The following PPP3CA variants were observed in gnomAD, a reference collection of about 807,000 sequenced individuals.
PPP3CA encodes CAM-PRP catalytic subunit.
A neutral mutation model predicts 66.5 loss-of-function variants in PPP3CA; 14 were observed. The ratio of observed to expected loss-of-function variants is 0.21; its 90% CI spans 0.14 to 0.33. PPP3CA has a LOEUF of 0.33. Ranked by LOEUF, PPP3CA falls within the 10% of genes least tolerant of loss-of-function variation. PPP3CA has a pLI of 1.00. For missense variants in PPP3CA, 317 were observed against 639.5 expected, an observed-to-expected ratio of 0.50 and a Z score of 5.44; for synonymous variants, 232 against 226.2, an observed-to-expected ratio of 1.03 and a Z score of -0.23.
At chr4:101,049,406 T>C (rs1390036120) in intron 10 of PPP3CA, among the ~76,000 whole-genome samples, 3 of 152,146 alleles carry the variant, frequency 2.0e-5, no homozygotes, top group Non-Finnish European at 2.9e-5. Flanking sequence ...CCATAAAATC[T>C]GATTTGGCTC....
chr4:101,301,920 T>C (rs1728390455), intron 1 of PPP3CA, among the ~76,000 whole-genome samples: 1 of 151,512 alleles, frequency 6.6e-6, no homozygotes, highest in African/African-American at 2.4e-5. Context: ...ATATTATTTA[T>C]ATTTGCTTTC....
chr4:101,341,841 C>T (rs1444340395), intron 1 of PPP3CA, among the ~76,000 whole-genome samples: 2 of 152,168 alleles, frequency 1.3e-5, no homozygotes, highest in East Asian at 1.9e-4. Flanking sequence ...AATTCTATAT[C>T]ATGAATCACC....
chr4:101,281,554 T>C (rs1161052057), intron 1 of PPP3CA, among the ~76,000 whole-genome samples: 1 of 149,294 alleles, frequency 6.7e-6, no homozygotes, highest in African/African-American at 2.6e-5. Flanking sequence ...TTAATATAAT[T>C]GAGTTGGCTA....
intron 2 of PPP3CA, among the ~76,000 whole-genome samples, chr4:101,110,517 T>C (rs767496032): frequency 6.8e-6 from 1 of 147,086 alleles, no homozygotes; most frequent in African/African-American, 2.7e-5. Context: ...ACAAAATGGC[T>C]GTAAATAACA....
At chr4:101,160,106 A>G (rs558053469) in intron 2 of PPP3CA, among the ~76,000 whole-genome samples, 1 of 151,628 alleles carries the variant, frequency 6.6e-6, no homozygotes, top group East Asian at 1.9e-4. Flanking sequence ...GTAAAATATA[A>G]AAGTATGGTT....
At chr4:101,134,425 A>T (rs1467870359) in intron 2 of PPP3CA, among the ~76,000 whole-genome samples, 1 of 152,232 alleles carries the variant, frequency 6.6e-6, no homozygotes. Flanking sequence ...AAGTGGGTGA[A>T]GGATATGAAC....
At chr4:101,190,604 T>C (rs906278615) in intron 2 of PPP3CA, among the ~76,000 whole-genome samples, 3 of 152,180 alleles carry the variant, frequency 2.0e-5, no homozygotes, top group Admixed American at 1.3e-4. Context: ...ACCACTCAGC[T>C]CACTGATACC....
intron 1 of PPP3CA, among the ~76,000 whole-genome samples, chr4:101,303,234 T>C (rs1293921726): frequency 6.6e-6 from 1 of 152,196 alleles, no homozygotes; most frequent in East Asian, 1.9e-4. Flanking sequence ...GGCCAAAATT[T>C]ATATGTAAAA....
At chr4:101,135,434 T>A (rs1479157602) in intron 2 of PPP3CA, among the ~76,000 whole-genome samples, 1 of 152,134 alleles carries the variant, frequency 6.6e-6, no homozygotes, top group Admixed American at 6.5e-5. Flanking sequence ...CAGAATACAC[T>A]CAGGATTAAC....
intron 1 of PPP3CA, among the ~76,000 whole-genome samples, chr4:101,315,907 C>CT (rs1280640851): frequency 6.6e-6 from 1 of 152,110 alleles, no homozygotes; most frequent in Non-Finnish European, 1.5e-5. Context: ...TTTCGGACTG[C>CT]TGAAAACCTA....
At chr4:101,305,697 T>C (rs1728512726) in intron 1 of PPP3CA, among the ~76,000 whole-genome samples, 1 of 152,210 alleles carries the variant, frequency 6.6e-6, no homozygotes, top group Non-Finnish European at 1.5e-5. Context: ...CAAAACTTTC[T>C]ATTCAACAGC....
At chr4:101,226,413 C>T (rs1024580033) in intron 1 of PPP3CA, among the ~76,000 whole-genome samples, 28 of 151,794 alleles carry the variant, frequency 1.8e-4, no homozygotes, top group African/African-American at 6.8e-4. Context: ...CTGTGCAATA[C>T]GTAGTGCATA....
At chr4:101,135,043 G>A (rs1043184661) in intron 2 of PPP3CA, among the ~76,000 whole-genome samples, 4 of 151,956 alleles carry the variant, frequency 2.6e-5, no homozygotes, top group African/African-American at 9.7e-5. Flanking sequence ...CACAAGGAGG[G>A]GAACATCACA....
intron 2 of PPP3CA, among the ~76,000 whole-genome samples, chr4:101,160,243 G>A (rs1035315740): frequency 3.9e-5 from 6 of 152,010 alleles, no homozygotes; most frequent in Admixed American, 2.0e-4. Flanking sequence ...TCTCAAGTAC[G>A]TACATTTACT....
At chr4:101,106,453 GAGAAAAGAAAAGAAAAGAAAAGA>G (rs1461083702) in intron 3 of PPP3CA, among the ~76,000 whole-genome samples, 1 of 35,518 alleles carries the variant, frequency 2.8e-5, no homozygotes. Context: ...AAGAAAGAAA[GAGAAAAGAAAAGAAAAGAAAAGA>G]AAAGAAAAGA....
chr4:101,207,408 A>G (rs1403359260), intron 1 of PPP3CA, among the ~76,000 whole-genome samples: 2 of 152,238 alleles, frequency 1.3e-5, no homozygotes, highest in East Asian at 3.8e-4. Context: ...GAAGTAGTTC[A>G]GGGGGACAAA....
At chr4:101,326,754 C>T (rs1215532210) in intron 1 of PPP3CA, among the ~76,000 whole-genome samples, 3 of 152,210 alleles carry the variant, frequency 2.0e-5, no homozygotes, top group African/African-American at 4.8e-5. Flanking sequence ...CTATACTATT[C>T]TCTGGTCTAC....
In PPP3CA at chr4:101,141,267, C is replaced by T. The variant is rs540142870; in HGVS notation, c.260-32189G>A. Among the ~76,000 whole-genome samples, 172 of 152,130 alleles carry T rather than the reference C, an allele frequency of 1.1e-3. 1 individual carries two copies. Among genetic ancestry groups the T allele is most frequent in the Non-Finnish European group, 2.1e-3 (144 of 67,984 alleles). ...TGCCTGTAATCACAGCTACTTGACA[C>T]GCTGAGGCAGGAGAATTGCTTGAAC... On this transcript the variant is annotated intron_variant, in intron 2 of 13. Transcript: ENST00000394854.
At chr4:101,033,855 T>C (rs1038356299) in intron 11 of PPP3CA, among the ~76,000 whole-genome samples, 3 of 152,192 alleles carry the variant, frequency 2.0e-5, no homozygotes, top group African/African-American at 7.2e-5. Flanking sequence ...ACATTTCATA[T>C]AAATAAAATA....
Sources: allele counts gnomAD v4.1 joint callset (sites outside exome capture counted in the v4.1 genomes callset), GRCh38; gene constraint gnomAD v4.1.1; transcripts MANE v1.5; gene names NCBI Gene and HGNC (gene_info 2026-07-23, HGNC 2026-07-21).